GRIN2A: variants seen among roughly 807,000 people sequenced by gnomAD.
GRIN2A encodes glutamate receptor ionotropic, NMDA 2A.
Under a neutral mutation model 113.4 loss-of-function variants are expected in GRIN2A, and 22 were observed. The observed-to-expected ratio is 0.19, with a 90% CI of 0.14 to 0.28. The LOEUF (loss-of-function observed/expected upper bound fraction) is 0.28. GRIN2A is among the 10% of genes least tolerant of loss of function. The probability of loss-of-function intolerance (pLI) is 1.00; values close to 1 mark genes in which losing one functional copy is unlikely to be tolerated. For synonymous variants in GRIN2A, 827 were observed against 738.4 expected (o/e 1.12, Z -1.94); for missense variants, 1,502 against 1,887.0 (o/e 0.80, Z 3.78).
At chr16:10,067,000 A>C (rs1211131039) in intron 2 of GRIN2A, among the ~76,000 whole-genome samples, 1 of 152,192 alleles carries the variant, frequency 6.6e-6, no homozygotes, top group Non-Finnish European at 1.5e-5. Flanking sequence ...TCCCTAGCTC[A>C]CGATATTTTA....
At chr16:10,095,173 G>A (rs896481694) in intron 2 of GRIN2A, among the ~76,000 whole-genome samples, 1 of 152,258 alleles carries the variant, frequency 6.6e-6, no homozygotes, top group African/African-American at 2.4e-5. Context: ...AAACCAGTAA[G>A]AGAGCCCTTA....
At chr16:9,866,615 T>C (rs1456855561) in intron 4 of GRIN2A, among the ~76,000 whole-genome samples, 1 of 152,228 alleles carries the variant, frequency 6.6e-6, no homozygotes, top group Non-Finnish European at 1.5e-5. Flanking sequence ...GGGGATAATA[T>C]TGGTGATTTC....
At chr16:10,023,061 G>A (rs955088735) in intron 2 of GRIN2A, among the ~76,000 whole-genome samples, 6 of 152,282 alleles carry the variant, frequency 3.9e-5, no homozygotes, top group Non-Finnish European at 7.4e-5. Context: ...AACCCGAGAT[G>A]ATCAGCCAGA....
chr16:9,998,308 A>G (rs189821337), intron 2 of GRIN2A, among the ~76,000 whole-genome samples: 14 of 152,322 alleles, frequency 9.2e-5, no homozygotes, highest in African/African-American at 2.9e-4. Context: ...ATAACACTGT[A>G]TGATTCCATT....
intron 2 of GRIN2A, among the ~76,000 whole-genome samples, chr16:10,160,539 T>C (rs1158365177): frequency 2.6e-5 from 4 of 152,244 alleles, no homozygotes; most frequent in African/African-American, 7.2e-5. Flanking sequence ...AAGCCCCATC[T>C]GCATCTCTCA....
intron 2 of GRIN2A, among the ~76,000 whole-genome samples, chr16:9,951,273 A>G (rs992847139): frequency 6.6e-6 from 1 of 151,672 alleles, no homozygotes; most frequent in African/African-American, 2.4e-5. Context: ...CTCGCAAATC[A>G]CTCCCCCCAC....
intron 2 of GRIN2A, among the ~76,000 whole-genome samples, chr16:10,014,937 G>C (rs1341282302): frequency 6.6e-6 from 1 of 152,104 alleles, no homozygotes; most frequent in Non-Finnish European, 1.5e-5. Context: ...GAGGACATTA[G>C]AAGGTTGTTA....
intron 2 of GRIN2A, among the ~76,000 whole-genome samples, chr16:10,084,615 T>C (rs754227709): frequency 1.2e-4 from 19 of 152,188 alleles, no homozygotes; most frequent in Non-Finnish European, 2.5e-4. Flanking sequence ...CTTACTACCA[T>C]GCCTCTTCTC....
At chr16:10,117,645 C>G (rs58261748) in intron 2 of GRIN2A, among the ~76,000 whole-genome samples, 1 of 152,022 alleles carries the variant, frequency 6.6e-6, no homozygotes, top group Non-Finnish European at 1.5e-5. Context: ...ATATAATGAC[C>G]ACATTGTTCC....
chr16:9,869,765 C>A (rs1164409918), intron 4 of GRIN2A, among the ~76,000 whole-genome samples: 3 of 152,214 alleles, frequency 2.0e-5, no homozygotes, highest in Non-Finnish European at 2.9e-5. Flanking sequence ...ATAGTCCCTG[C>A]TCAACCAGGA....
chr16:9,854,739 A>G (rs948289391), intron 4 of GRIN2A, among the ~76,000 whole-genome samples: 2 of 152,146 alleles, frequency 1.3e-5, no homozygotes, highest in African/African-American at 4.8e-5. Context: ...GACTCATAAA[A>G]GCTATTCTGA....
chr16:9,799,516 T>TA (rs1184006836), intron 10 of GRIN2A, among the ~76,000 whole-genome samples: 3 of 152,182 alleles, frequency 2.0e-5, no homozygotes, highest in Admixed American at 6.5e-5. Flanking sequence ...ATTCCTTTGT[T>TA]ATGGCTGCCC....
At chr16:10,112,783 T>C (rs923723865) in intron 2 of GRIN2A, 10 of 701,444 alleles carry the variant, frequency 1.4e-5, no homozygotes, top group African/African-American at 1.2e-4. Flanking sequence ...CATGGCTCCA[T>C]GATGTACTCA....
chr16:9,891,163 G>C, intron 3 of GRIN2A, 63 bp from the exon 4 acceptor site: 2 of 909,530 alleles, frequency 2.2e-6, no homozygotes, highest in Non-Finnish European at 3.7e-6. Flanking sequence ...GAACAAATAA[G>C]TGGATGCCAC....
intron 2 of GRIN2A, among the ~76,000 whole-genome samples, chr16:9,966,209 C>G (rs1467170102): frequency 6.6e-6 from 1 of 152,148 alleles, no homozygotes; most frequent in African/African-American, 2.4e-5. Context: ...CAGGTTATTT[C>G]ATCACCCAGG....
chr16:10,005,809 CA>C (rs778222908), intron 2 of GRIN2A, among the ~76,000 whole-genome samples: 6 of 152,026 alleles, frequency 3.9e-5, no homozygotes, highest in African/African-American at 1.4e-4. Flanking sequence ...AAACCTAAGA[CA>C]AAAAGGGGAA....
intron 2 of GRIN2A, among the ~76,000 whole-genome samples, chr16:10,075,353 A>C (rs576807783): frequency 3.3e-5 from 5 of 152,192 alleles, no homozygotes; most frequent in African/African-American, 9.6e-5. Flanking sequence ...AAAAAGATAA[A>C]TTTGTATGCC....
Position 9,762,885 on chromosome 16 carries a change from G to A in GRIN2A, c.*264C>T, listed in dbSNP as rs1900647936. 3 of 553,930 alleles carry A rather than the reference G, an allele frequency of 5.4e-6. No individual in the cohort carries two copies. In the South Asian group the frequency reaches 6.7e-5, roughly 12 times the overall value. 34.3% of individuals were successfully genotyped at this position (553,930 alleles called of 1,614,324 possible). On this transcript the variant is annotated 3_prime_UTR_variant, in exon 13 of 13. Transcript: ENST00000330684. ...ACATACCCAGTAGGCATGTCCCGGA[G>A]ACTTGCCCTTATGTAGTTAGTTATT...
At chr16:9,778,659 G>A (rs1395384845) in intron 11 of GRIN2A, among the ~76,000 whole-genome samples, 1 of 152,174 alleles carries the variant, frequency 6.6e-6, no homozygotes, top group African/African-American at 2.4e-5. Context: ...AGTAAATCTG[G>A]GTGTTTACAC....
Sources: gnomAD v4.1 joint callset for allele counts (sites outside exome capture counted in the v4.1 genomes callset) on GRCh38, gnomAD v4.1.1 for gene constraint, MANE v1.5 for transcripts, NCBI Gene and HGNC (gene_info 2026-07-23, HGNC 2026-07-21) for gene names.